The following KIF16B variants were observed in gnomAD, a reference collection of about 807,000 sequenced individuals.
KIF16B encodes the protein kinesin family member 16B.
A neutral mutation model predicts 156.3 loss-of-function variants in KIF16B; 98 were observed. The observed-to-expected ratio is 0.63, with a 90% CI of 0.53 to 0.74. KIF16B has a LOEUF of 0.74. Among genes scored for constraint, KIF16B ranks in the 30% least tolerant of loss-of-function variants. The probability of loss-of-function intolerance (pLI) is 0.00; values close to 1 mark genes in which losing one functional copy is unlikely to be tolerated. For missense variants in KIF16B, 1,421 were observed against 1,606.5 expected (o/e 0.88, Z 1.97); for synonymous variants, 564 against 583.7 (o/e 0.97, Z 0.49).
chr20:16,515,057 G>A (rs56778733), intron 4 of KIF16B, among the ~76,000 whole-genome samples: 4,171 of 151,710 alleles, frequency 0.027, 176 homozygotes, highest in African/African-American at 0.096. Flanking sequence ...AACTGCATAC[G>A]GTGTGTTTAT....
chr20:16,382,118 T>C (rs778176263), intron 17 of KIF16B: 2 of 1,355,374 alleles, frequency 1.5e-6, no homozygotes, highest in Non-Finnish European at 2.0e-6. Flanking sequence ...TGGGTCCTTT[T>C]ATAGGGAAAA....
intron 23 of KIF16B, among the ~76,000 whole-genome samples, 170 bp downstream of exon 23, chr20:16,356,160 T>C (rs1413390716): frequency 6.6e-6 from 1 of 152,190 alleles, no homozygotes; most frequent in Non-Finnish European, 1.5e-5. Context: ...CTTCCTTCCA[T>C]GTGTTACAGT....
intron 23 of KIF16B, among the ~76,000 whole-genome samples, chr20:16,353,002 G>A (rs542428417): frequency 4.7e-4 from 72 of 152,252 alleles, no homozygotes; most frequent in African/African-American, 1.7e-3. Flanking sequence ...ACCATCATGC[G>A]GGATAACGAA....
At chr20:16,350,093 C>T (rs1350881215) in intron 23 of KIF16B, among the ~76,000 whole-genome samples, 1 of 152,238 alleles carries the variant, frequency 6.6e-6, no homozygotes. Flanking sequence ...CAGAATGAGA[C>T]AAGAGGAGAC....
chr20:16,543,040 T>C (rs2070264112), intron 1 of KIF16B, among the ~76,000 whole-genome samples: 1 of 152,118 alleles, frequency 6.6e-6, no homozygotes, highest in African/African-American at 2.4e-5. Flanking sequence ...TGACAAACAC[T>C]ACTCTCTGAG....
intron 12 of KIF16B, among the ~76,000 whole-genome samples, chr20:16,476,437 AC>A (rs2067815515): frequency 6.6e-6 from 1 of 152,250 alleles, no homozygotes; most frequent in Non-Finnish European, 1.5e-5. Flanking sequence ...TTACTTACTA[AC>A]AGCAGACTGG....
At chr20:16,405,205 A>G (rs1388837264) in intron 16 of KIF16B, among the ~76,000 whole-genome samples, 1 of 152,126 alleles carries the variant, frequency 6.6e-6, no homozygotes. Context: ...AGGGGTCACA[A>G]TATCTTTGCC....
At chr20:16,499,440 T>C (rs1354993176) in intron 10 of KIF16B, among the ~76,000 whole-genome samples, 1 of 152,230 alleles carries the variant, frequency 6.6e-6, no homozygotes, top group African/African-American at 2.4e-5. Context: ...GCCAGAAAGT[T>C]AACCCAAGGT....
At chr20:16,485,587 C>T (rs956289469) in intron 12 of KIF16B, among the ~76,000 whole-genome samples, 2 of 152,172 alleles carry the variant, frequency 1.3e-5, no homozygotes, top group African/African-American at 4.8e-5. Flanking sequence ...TCATCCCCTC[C>T]CATCTCCAGG....
intron 17 of KIF16B, among the ~76,000 whole-genome samples, chr20:16,383,447 A>C (rs1284265563): frequency 1.3e-5 from 2 of 152,200 alleles, no homozygotes; most frequent in Non-Finnish European, 2.9e-5. Flanking sequence ...GAAACCTGTT[A>C]GATAGCAATA....
At chr20:16,518,925 G>C (rs1218071316) in intron 3 of KIF16B, among the ~76,000 whole-genome samples, 1 of 151,978 alleles carries the variant, frequency 6.6e-6, no homozygotes, top group African/African-American at 2.4e-5. Context: ...ATCTGTCATC[G>C]TGAACACACC....
chr20:16,554,098 T>C (rs1600687913), intron 1 of KIF16B, among the ~76,000 whole-genome samples: 1 of 151,962 alleles, frequency 6.6e-6, no homozygotes, highest in Non-Finnish European at 1.5e-5. Flanking sequence ...GGCTCCTGGG[T>C]AGAAAGAAGG....
intron 1 of KIF16B, among the ~76,000 whole-genome samples, chr20:16,553,426 G>A (rs1210686935): frequency 1.3e-5 from 2 of 152,206 alleles, no homozygotes; most frequent in Non-Finnish European, 2.9e-5. Flanking sequence ...AGCTACTTGA[G>A]GGTGGGGATC....
At position 16,310,022 on chromosome 20, in the gene KIF16B, G is replaced by A. The variant is rs138596306; in HGVS notation, c.3795+2313C>T. On this transcript the variant is annotated intron_variant, in intron 25 of 25. Transcript: ENST00000354981. ...AGTTGATTTTCATATGAAAATAGTCGCAGGGAATTAACTCGAGAAGCTCAG... is the reference window on the plus strand; with the variant it reads ...AGTTGATTTTCATATGAAAATAGTCACAGGGAATTAACTCGAGAAGCTCAG... Among the ~76,000 whole-genome samples the A allele has an allele frequency of 4.5e-3, 681 of 152,292 alleles. 3 individuals are homozygous for A. The highest frequency in any genetic ancestry group is 0.02 in the South Asian group (95 of 4,828).
chr20:16,287,599 C>T (rs1267517296), intron 25 of KIF16B, among the ~76,000 whole-genome samples: 4 of 152,188 alleles, frequency 2.6e-5, no homozygotes, highest in Non-Finnish European at 5.9e-5. Context: ...TTCACATATT[C>T]TAATAAAATC....
At chr20:16,433,245 T>C (rs548969979) in intron 12 of KIF16B, among the ~76,000 whole-genome samples, 4 of 152,256 alleles carry the variant, frequency 2.6e-5, no homozygotes, top group African/African-American at 7.2e-5. Flanking sequence ...AGTAGCCCCA[T>C]GGCAATGAAT....
At chr20:16,549,035 T>C (rs543954494) in intron 1 of KIF16B, among the ~76,000 whole-genome samples, 130 of 149,674 alleles carry the variant, frequency 8.7e-4, no homozygotes, top group African/African-American at 2.8e-3. Context: ...TGTTTTTTTT[T>C]CGTTAGTTTT....
chr20:16,523,267 T>C (rs561216743), intron 3 of KIF16B, among the ~76,000 whole-genome samples: 6 of 152,330 alleles, frequency 3.9e-5, no homozygotes, highest in South Asian at 2.1e-4. Flanking sequence ...CATGACATGA[T>C]TGTATATTTA....
At chr20:16,489,312 C>T (rs2068216717) in intron 12 of KIF16B, among the ~76,000 whole-genome samples, 3 of 152,050 alleles carry the variant, frequency 2.0e-5, no homozygotes, top group African/African-American at 7.2e-5. Flanking sequence ...TCCAGGAGCC[C>T]AGAAAAGGGC....
Sources: allele counts gnomAD v4.1 joint callset (sites outside exome capture counted in the v4.1 genomes callset), GRCh38; gene constraint gnomAD v4.1.1; transcripts MANE v1.5; gene names NCBI Gene and HGNC (gene_info 2026-07-23, HGNC 2026-07-21).